ADTRP: variants seen among roughly 807,000 people sequenced by gnomAD.
ADTRP encodes the protein androgen-dependent TFPI-regulating protein.
Under a neutral mutation model 27.0 loss-of-function variants are expected in ADTRP, and 20 were observed. The ratio of observed to expected loss-of-function variants is 0.74; its 90% CI spans 0.52 to 1.08. ADTRP has a LOEUF of 1.08. Ranked by LOEUF, ADTRP falls within the 50% of genes least tolerant of loss-of-function variation. ADTRP has a pLI of 0.00. For missense variants in ADTRP, 251 were observed against 275.0 expected, an observed-to-expected ratio of 0.91 and a Z score of 0.62; for synonymous variants, 101 against 105.2, an observed-to-expected ratio of 0.96 and a Z score of 0.25.
chr6:11,745,210 G>C, intron 3 of ADTRP, among the ~76,000 whole-genome samples: 1 of 152,054 alleles, frequency 6.6e-6, no homozygotes, highest in Admixed American at 6.6e-5. Flanking sequence ...GGGTGTGTGT[G>C]TATGTGTGTG....
chr6:11,770,180 T>G (rs1426266666), intron 1 of ADTRP: 1 of 1,194,942 alleles, frequency 8.4e-7, no homozygotes, highest in African/African-American at 1.5e-5. Context: ...TATCTCCAGG[T>G]GGGAGAATGA....
At chr6:11,746,894 T>A (rs1762881587) in intron 3 of ADTRP, among the ~76,000 whole-genome samples, 1 of 152,168 alleles carries the variant, frequency 6.6e-6, no homozygotes, top group South Asian at 2.1e-4. Context: ...AGCGGATTCT[T>A]GGATGTGGAG....
chr6:11,715,648 CTTTTTTTTTT>C (rs55815652), intron 5 of ADTRP, among the ~76,000 whole-genome samples: 2 of 121,140 alleles, frequency 1.7e-5, no homozygotes, highest in East Asian at 2.2e-4. Flanking sequence ...CTGTTTTTCC[CTTTTTTTTTT>C]TTTTTTTTTT....
Position 11,715,604 on chromosome 6 carries a change from G to A in ADTRP, c.659-1092C>T, listed in dbSNP as rs184599883. Among the ~76,000 whole-genome samples, 21 of 149,438 alleles carry A rather than the reference G, an allele frequency of 1.4e-4. No individual in the cohort carries two copies. In the South Asian group the frequency reaches 2.5e-3, roughly 18 times the overall value. ...GTTTATCAAGCTTTATGGATTTCAC[G>A]TTGTTTTCATTGGTGTGTCTACTTC... On this transcript the variant is annotated intron_variant, in intron 5 of 5. Coordinates refer to ENST00000414691, the MANE Select transcript of ADTRP (RefSeq NM_032744.4).
At chr6:11,766,092 A>T (rs942653733) in intron 3 of ADTRP, among the ~76,000 whole-genome samples, 182 bp downstream of exon 3, 3 of 152,218 alleles carry the variant, frequency 2.0e-5, no homozygotes, top group African/African-American at 7.2e-5. Context: ...CAGTAGACTC[A>T]CTGTAATTAT....
chr6:11,724,962 A>T (rs867544005), intron 4 of ADTRP, among the ~76,000 whole-genome samples: 4 of 152,384 alleles, frequency 2.6e-5, no homozygotes, highest in Non-Finnish European at 2.9e-5. Flanking sequence ...CAATTAGGAT[A>T]GGCCAGGTTA....
At chr6:11,756,552 T>C (rs1366398631) in intron 3 of ADTRP, among the ~76,000 whole-genome samples, 1 of 152,130 alleles carries the variant, frequency 6.6e-6, no homozygotes, top group African/African-American at 2.4e-5. Context: ...TACACTTACA[T>C]GTAAATCTAC....
intron 1 of ADTRP, among the ~76,000 whole-genome samples, chr6:11,770,502 T>A (rs1170450940): frequency 6.6e-6 from 1 of 151,728 alleles, no homozygotes; most frequent in East Asian, 1.9e-4. Context: ...AAGGTCCTTG[T>A]CTAAGGGACA....
intron 1 of ADTRP, 41 bp downstream of exon 1, chr6:11,778,566 A>G (rs760558970): frequency 4.4e-6 from 7 of 1,588,288 alleles, no homozygotes; most frequent in Non-Finnish European, 6.0e-6. Flanking sequence ...CTGATATTCT[A>G]GAGAAATGGA....
chr6:11,773,540 C>A (rs1039872757), intron 1 of ADTRP, among the ~76,000 whole-genome samples: 1 of 152,208 alleles, frequency 6.6e-6, no homozygotes, highest in African/African-American at 2.4e-5. Flanking sequence ...TGGCAGGCAG[C>A]AACGCCAGGG....
rs542069555 is a variant in ADTRP at position 11,718,075 on chromosome 6, A to G, written c.659-3563T>C. Among the ~76,000 whole-genome samples, 43 of 152,352 alleles carry G rather than the reference A, an allele frequency of 2.8e-4. 2 individuals carry two copies. Among genetic ancestry groups the G allele is most frequent in the Admixed American group, 1.4e-3 (22 of 15,308 alleles). On this transcript the variant is annotated intron_variant, in intron 5 of 5. Transcript: ENST00000414691. ...ATCTGCCTTTTAAAAAACCTGGTTT[A>G]TGGCAAATAATATTAAAAGAAAGTT... is the stretch of plus-strand genomic sequence containing the variant.
At chr6:11,729,810 T>A (rs1762327826) in intron 4 of ADTRP, among the ~76,000 whole-genome samples, 1 of 152,246 alleles carries the variant, frequency 6.6e-6, no homozygotes, top group African/African-American at 2.4e-5. Context: ...CTGACTGTTT[T>A]ACTTATACCC....
Position 11,778,642 on chromosome 6 carries a change from CATTTG to C in ADTRP, c.113_117del (p.Ala38GlyfsTer11). 6.2e-7 allele frequency: 1 copy of C among 1,614,208 alleles called. No individual in the cohort carries two copies. On this transcript the variant is annotated frameshift_variant, in exon 1 of 6. Transcript: ENST00000414691. LOFTEE classifies it high-confidence loss of function. Reference sequence around the variant, plus strand: ...AGCGTCATATATTTCCACCTTGCACCATTTGCCAAGATTTTGGGTTTCACCTCGTC... The same window carrying C: ...AGCGTCATATATTTCCACCTTGCACCCCAAGATTTTGGGTTTCACCTCGTC...
chr6:11,778,750 T>A lies in ADTRP; in HGVS notation c.10A>T (p.Thr4Ser). The change falls in exon 1 of 6, where the codon ACT becomes TCT. Residue 4 changes from threonine to serine, a missense_variant. Physicochemically the swap from Thr to Ser is moderately conservative, Grantham distance 58 (BLOSUM62 1). Coordinates refer to ENST00000414691, the MANE Select transcript of ADTRP (RefSeq NM_032744.4). ...AGGAAGTGGTATATGCATGTAGAAG[T>A]CTTCGTCATGGCGAGTGCTGACCGG... MTK[T>S]STCIYHFLVL... is the part of the protein sequence containing the mutation. The A allele has an allele frequency of 1.2e-6, 2 of 1,613,834 alleles. No homozygotes were observed. The highest frequency in any genetic ancestry group is 2.2e-5 in the South Asian group (2 of 91,000).
intron 1 of ADTRP, among the ~76,000 whole-genome samples, chr6:11,777,931 T>A (rs541770691): frequency 1.3e-5 from 2 of 152,350 alleles, no homozygotes; most frequent in South Asian, 4.1e-4. Flanking sequence ...TTCCTCAAAG[T>A]ATTTTTCATA....
intron 5 of ADTRP, among the ~76,000 whole-genome samples, chr6:11,720,988 G>A (rs9469930): frequency 0.68 from 103,549 of 152,042 alleles, 35,572 homozygotes; most frequent in African/African-American, 0.73. Flanking sequence ...AGTGGATCTT[G>A]AGATGAACAA....
At chr6:11,739,043 A>G (rs1561753272) in intron 3 of ADTRP, among the ~76,000 whole-genome samples, 1 of 149,194 alleles carries the variant, frequency 6.7e-6, no homozygotes, top group Non-Finnish European at 1.5e-5. Context: ...ACATATTTCA[A>G]AAAAAAAAAG....
At chr6:11,738,192 G>C (rs1425630875) in intron 3 of ADTRP, among the ~76,000 whole-genome samples, 2 of 152,044 alleles carry the variant, frequency 1.3e-5, no homozygotes, top group Non-Finnish European at 2.9e-5. Context: ...GCCCAGGGTG[G>C]GGTGCAAGCA....
At chr6:11,777,722 AT>A (rs1383114751) in intron 1 of ADTRP, among the ~76,000 whole-genome samples, 1 of 152,042 alleles carries the variant, frequency 6.6e-6, no homozygotes, top group Non-Finnish European at 1.5e-5. Context: ...AACTCTCTCC[AT>A]TTCCACGTCC....
Sources: gnomAD v4.1 joint callset for allele counts (sites outside exome capture counted in the v4.1 genomes callset) on GRCh38, gnomAD v4.1.1 for gene constraint, MANE v1.5 for transcripts, NCBI Gene and HGNC (gene_info 2026-07-23, HGNC 2026-07-21) for gene names.